The following A2ML1 variants were observed in gnomAD, a reference collection of about 807,000 sequenced individuals.
A2ML1 encodes alpha-2-macroglobulin-like protein 1.
In A2ML1, 161 loss-of-function variants were observed where a neutral mutation model predicts 181.9. That is an observed-to-expected ratio of 0.89 (90% confidence interval 0.78 to 1.01). The LOEUF is 1.01. Ranked by LOEUF, A2ML1 falls within the 50% of genes least tolerant of loss-of-function variation. The probability of loss-of-function intolerance (pLI) is 0.00; values close to 1 mark genes in which losing one functional copy is unlikely to be tolerated. For missense variants in A2ML1, 1,670 were observed against 1,768.1 expected, an observed-to-expected ratio of 0.94 and a Z score of 1.00; for synonymous variants, 663 against 666.8, an observed-to-expected ratio of 0.99 and a Z score of 0.09.
Position 8,854,267 on chromosome 12 carries a change from G to A in A2ML1, c.2712+18G>A. The A allele has an allele frequency of 6.3e-7, 1 of 1,581,864 alleles. No individual in the cohort carries two copies. Among genetic ancestry groups the A allele is most frequent in the Non-Finnish European group, 8.6e-7 (1 of 1,163,720 alleles). ...TCGTCAAAGTGAGTTTTCTTCAGAG[G>A]TAGAGACAGCAACCAACCGAGGGAT... On this transcript the variant is annotated intron_variant, in intron 21 of 35. Coordinates refer to ENST00000299698, the MANE Select transcript of A2ML1 (RefSeq NM_144670.6).
At chr12:8,864,041 A>G (rs746529423) in intron 29 of A2ML1, 33 bp downstream of exon 29, 1 of 1,584,498 alleles carries the variant, frequency 6.3e-7, no homozygotes, top group Non-Finnish European at 8.6e-7. Context: ...GCCACTTATC[A>G]GGTAGAATTA....
intron 4 of A2ML1, among the ~76,000 whole-genome samples, chr12:8,831,346 CACTT>C (rs917187794): frequency 2.6e-5 from 4 of 152,172 alleles, no homozygotes; most frequent in Non-Finnish European, 5.9e-5. Flanking sequence ...ATTTTAGACT[CACTT>C]ACCCTCAGGG....
intron 3 of A2ML1, among the ~76,000 whole-genome samples, chr12:8,829,055 T>G (rs983962353): frequency 6.6e-6 from 1 of 152,206 alleles, no homozygotes; most frequent in African/African-American, 2.4e-5. Context: ...AATTCAAGTG[T>G]GTCTTTTCTA....
chr12:8,842,462 G>C (rs577941260), intron 11 of A2ML1, among the ~76,000 whole-genome samples: 1 of 151,954 alleles, frequency 6.6e-6, no homozygotes, highest in East Asian at 1.9e-4. Flanking sequence ...CTCGTGATCC[G>C]CCCGCCTTGG....
At chr12:8,836,384 G>A (rs766575041) in intron 7 of A2ML1, 45 bp downstream of exon 7, 31 of 1,533,186 alleles carry the variant, frequency 2.0e-5, no homozygotes, top group Admixed American at 8.5e-5. Flanking sequence ...AAGATGCATC[G>A]AGAGACATGA....
intron 3 of A2ML1, among the ~76,000 whole-genome samples, chr12:8,824,222 G>GTTTTTTTTT (rs34400836): frequency 3.8e-4 from 35 of 92,312 alleles, no homozygotes; most frequent in Middle Eastern, 7.2e-3. Context: ...AGCTACTGGG[G>GTTTTTTTTT]TTTTTTTTTT....
intron 18 of A2ML1, 82 bp downstream of exon 18, chr12:8,850,356 G>A: frequency 9.4e-7 from 1 of 1,061,050 alleles, no homozygotes; most frequent in Non-Finnish European, 1.3e-6. Context: ...AGGCTTAGGA[G>A]GGAGGATCAC....
chr12:8,860,792 T>G lies in A2ML1; in HGVS notation c.3265-89T>G, dbSNP rs1013356941. 12 of 1,098,556 alleles carry G rather than the reference T, an allele frequency of 1.1e-5. No homozygotes were observed. In the African/African-American group the frequency reaches 1.6e-4, roughly 14 times the overall value. 68.1% of individuals were successfully genotyped at this position (1,098,556 alleles called of 1,614,324 possible). ...TTTCTTTTTAAAAATTATTCATCTATTCAGAGGGGAGGCTGTTTTGCAATC... is the reference window on the plus strand; with the variant it reads ...TTTCTTTTTAAAAATTATTCATCTAGTCAGAGGGGAGGCTGTTTTGCAATC... On this transcript the variant is annotated intron_variant, in intron 26 of 35. Transcript: ENST00000299698.
chr12:8,870,360 C>T (rs936622363), intron 33 of A2ML1, among the ~76,000 whole-genome samples: 3 of 152,120 alleles, frequency 2.0e-5, no homozygotes, highest in Non-Finnish European at 4.4e-5. Flanking sequence ...CTCTGCCTCC[C>T]GGGTTCATGC....
At chr12:8,861,385 A>ATGTACT in intron 28 of A2ML1, 88 bp downstream of exon 28, 1 of 1,434,276 alleles carries the variant, frequency 7.0e-7, no homozygotes, top group Non-Finnish European at 9.6e-7. Flanking sequence ...TGTCCCACAC[A>ATGTACT]TGTACTCTAG....
intron 12 of A2ML1, chr12:8,845,103 G>A (rs1943622564): frequency 1.4e-6 from 2 of 1,450,226 alleles, no homozygotes; most frequent in East Asian, 5.0e-5. Context: ...GATTTTCGCT[G>A]ACTTTCTGTT....
intron 20 of A2ML1, 77 bp from the exon 21 acceptor site, chr12:8,854,051 T>A: frequency 1.4e-6 from 2 of 1,445,084 alleles, no homozygotes; most frequent in South Asian, 3.4e-5. Flanking sequence ...GTTTCAGAAA[T>A]GCTGATCCAA....
downstream of A2ML1, among the ~76,000 whole-genome samples, chr12:8,878,649 T>G (rs1944838497): frequency 6.6e-6 from 1 of 152,144 alleles, no homozygotes; most frequent in African/African-American, 2.4e-5. The surrounding 1 kb of genome is among the most constrained non-coding windows in gnomAD (Gnocchi z 4.4). Flanking sequence ...AATCTAAACC[T>G]GCATATGTAT....
intron 12 of A2ML1, among the ~76,000 whole-genome samples, chr12:8,843,954 T>C (rs1222977206): frequency 6.6e-6 from 1 of 152,080 alleles, no homozygotes; most frequent in Non-Finnish European, 1.5e-5. Context: ...TCTCCTGACC[T>C]CGTGATCCAC....
chr12:8,837,601 G>T, intron 8 of A2ML1, 35 bp downstream of exon 8: 1 of 1,588,854 alleles, frequency 6.3e-7, no homozygotes, highest in Non-Finnish European at 8.6e-7. Flanking sequence ...GAACCTATCG[G>T]CCAGGCACGG....
At chr12:8,838,510 G>A (rs1943361868) in intron 9 of A2ML1, 60 bp downstream of exon 9, 2 of 1,369,846 alleles carry the variant, frequency 1.5e-6, no homozygotes, top group East Asian at 2.3e-5. Flanking sequence ...TGGTCCCAGG[G>A]ACAGATTTAC....
chr12:8,875,667 G>A (rs1263117220), intron 35 of A2ML1: 1 of 152,102 alleles, frequency 6.6e-6, no homozygotes, highest in Non-Finnish European at 1.5e-5. Flanking sequence ...TCAAACTCCT[G>A]GCCTCAGGTG....
At chr12:8,880,646 GGGA>G (rs1287333345), downstream of A2ML1, 6 of 152,122 alleles carry the variant, frequency 3.9e-5, no homozygotes, top group African/African-American at 1.4e-4. Flanking sequence ...GAGTGGGAGG[GGGA>G]GGAGGGGACA....
At position 8,860,557 on chromosome 12, in the gene A2ML1, C is replaced by G. The variant is rs770879955; in HGVS notation, c.3265-324C>G. On this transcript the variant is annotated intron_variant, in intron 26 of 35. Transcript: ENST00000299698. ...CTCAGATGCGGTGATGCGGCAGATT[C>G]TCTCCTTATTCCTCCCTTCTTTAAA... 6.6e-5 allele frequency among the ~76,000 whole-genome samples: 10 copies of G among 152,190 alleles called. No individual in the cohort carries two copies. The South Asian group carries it at 2.1e-3, about 32-fold the overall frequency.
Sources: gnomAD v4.1 joint callset for allele counts (sites outside exome capture counted in the v4.1 genomes callset) on GRCh38, gnomAD v4.1.1 for gene constraint, Gnocchi (gnomAD v3.1) non-coding constraint, MANE v1.5 for transcripts, NCBI Gene and HGNC (gene_info 2026-07-23, HGNC 2026-07-21) for gene names.